SLC25A24: variants seen among roughly 807,000 people sequenced by gnomAD.
SLC25A24 encodes the protein mitochondrial adenyl nucleotide antiporter SLC25A24.
A neutral mutation model predicts 60.7 loss-of-function variants in SLC25A24; 49 were observed. That is an observed-to-expected ratio of 0.81 (90% CI 0.64 to 1.02). SLC25A24 has a LOEUF of 1.02. Among genes scored for constraint, SLC25A24 ranks in the 50% least tolerant of loss-of-function variants. The pLI is 0.00. For synonymous variants in SLC25A24, 202 were observed against 200.6 expected (o/e 1.01, Z -0.06); for missense variants, 564 against 586.3 (o/e 0.96, Z 0.39).
In SLC25A24 at chr1:108,134,764, T is replaced by C. The variant is rs1679234482; in HGVS notation, c.*1889A>G. The C allele has an allele frequency of 6.6e-6, 1 of 151,734 alleles. No individual in the cohort carries two copies. Among genetic ancestry groups the C allele is most frequent in the African/African-American group, 2.4e-5 (1 of 41,306 alleles). The allele number at this position is 151,734 out of a possible 1,614,324, so 9.4% of individuals were successfully genotyped here. On this transcript the variant is annotated 3_prime_UTR_variant, in exon 10 of 10. Transcript: ENST00000565488. ...TTTATTTATAATTTTTTTTTTTCAA[T>C]TAGGAAACTGAGACTTAAGAATTTT...
At chr1:108,168,143 A>G (rs964521324) in intron 3 of SLC25A24, among the ~76,000 whole-genome samples, 3 of 152,192 alleles carry the variant, frequency 2.0e-5, no homozygotes, top group Non-Finnish European at 2.9e-5. Flanking sequence ...AGTCAAATAA[A>G]ATGCAATTTT....
At chr1:108,176,054 G>A (rs780607762) in intron 3 of SLC25A24, among the ~76,000 whole-genome samples, 5 of 152,004 alleles carry the variant, frequency 3.3e-5, no homozygotes, top group Non-Finnish European at 7.4e-5. Flanking sequence ...AAGAAACAGA[G>A]ATGTATGAAC....
chr1:108,159,825 C>T (rs1680008165), intron 4 of SLC25A24, among the ~76,000 whole-genome samples: 1 of 151,540 alleles, frequency 6.6e-6, no homozygotes, highest in Non-Finnish European at 1.5e-5. Flanking sequence ...AAGAATTTTT[C>T]TTAGTACAGA....
At chr1:108,138,544 G>GAT (rs1161437540) in intron 9 of SLC25A24, among the ~76,000 whole-genome samples, 1 of 4,514 alleles carries the variant, frequency 2.2e-4, no homozygotes, top group Non-Finnish European at 6.3e-3. Context: ...CAACAATGGA[G>GAT]ACTGTCACAG....
chr1:108,182,282 C>T (rs1273323681), intron 2 of SLC25A24, among the ~76,000 whole-genome samples: 4 of 152,036 alleles, frequency 2.6e-5, no homozygotes, highest in Non-Finnish European at 1.5e-5. Context: ...AATAATATTC[C>T]TCCAAAGAGA....
chr1:108,167,694 C>T (rs1647250927), intron 3 of SLC25A24, among the ~76,000 whole-genome samples: 1 of 152,216 alleles, frequency 6.6e-6, no homozygotes, highest in Non-Finnish European at 1.5e-5. Flanking sequence ...CACTGTCTGG[C>T]ACTCCCTAGT....
intron 6 of SLC25A24, among the ~76,000 whole-genome samples, chr1:108,152,941 G>T (rs562427133): frequency 6.6e-6 from 1 of 152,324 alleles, no homozygotes; most frequent in South Asian, 2.1e-4. Context: ...CATATAGAAA[G>T]AGGAAGGGTG....
Position 108,157,895 on chromosome 1 carries a change from G to A in SLC25A24, c.511-275C>T, listed in dbSNP as rs554815090. ...TTCATTCATCATAGATTCACAGTAT[G>A]TTTTCTCTTGGTCTAGGTTAAAATG... On this transcript the variant is annotated intron_variant, in intron 4 of 9. Transcript: ENST00000565488. Among the ~76,000 whole-genome samples the A allele has an allele frequency of 1.8e-3, 279 of 151,374 alleles. 1 individual carries two copies. The highest frequency in any genetic ancestry group is 3.4e-3 in the Middle Eastern group (1 of 294).
intron 3 of SLC25A24, among the ~76,000 whole-genome samples, chr1:108,178,554 C>T (rs1647786776): frequency 6.6e-6 from 1 of 152,150 alleles, no homozygotes; most frequent in African/African-American, 2.4e-5. Context: ...GTGGCTCACG[C>T]CTGTAATCCT....
At chr1:108,144,351 A>G (rs191805924) in intron 7 of SLC25A24, among the ~76,000 whole-genome samples, 31 of 152,272 alleles carry the variant, frequency 2.0e-4, no homozygotes, top group African/African-American at 7.5e-4. Flanking sequence ...TGTAAAGACT[A>G]AATAGTAAAA....
intron 8 of SLC25A24, among the ~76,000 whole-genome samples, chr1:108,142,888 A>T (rs1020855627): frequency 7.2e-5 from 11 of 152,174 alleles, no homozygotes; most frequent in Admixed American, 5.9e-4. Context: ...TTAAAAAAAA[A>T]ATTCGACTCT....
At chr1:108,179,482 A>G (rs1307707458) in intron 3 of SLC25A24, among the ~76,000 whole-genome samples, 1 of 152,230 alleles carries the variant, frequency 6.6e-6, no homozygotes. Flanking sequence ...TTATAGCACT[A>G]TTCACGATAG....
At chr1:108,162,531 T>G (rs1680116802) in intron 3 of SLC25A24, among the ~76,000 whole-genome samples, 1 of 150,748 alleles carries the variant, frequency 6.6e-6, no homozygotes, top group African/African-American at 2.4e-5. Context: ...GATTTGCATT[T>G]CTCTGATGGC....
chr1:108,137,071 T>A (rs1228142852), intron 9 of SLC25A24, among the ~76,000 whole-genome samples: 1 of 152,180 alleles, frequency 6.6e-6, no homozygotes, highest in Non-Finnish European at 1.5e-5. Flanking sequence ...ATGTTCTAAA[T>A]ACTGGGTTAA....
intron 4 of SLC25A24, among the ~76,000 whole-genome samples, chr1:108,158,585 A>C (rs908248504): frequency 6.6e-6 from 1 of 152,036 alleles, no homozygotes; most frequent in Admixed American, 6.5e-5. Flanking sequence ...ATCACCAACA[A>C]TTTTATAATG....
At chr1:108,149,376 C>T (rs1193912177) in intron 6 of SLC25A24, among the ~76,000 whole-genome samples, 4 of 152,066 alleles carry the variant, frequency 2.6e-5, no homozygotes, top group Non-Finnish European at 5.9e-5. Flanking sequence ...AGCTGGAACT[C>T]CAGAGCCACG....
At chr1:108,180,492 G>A (rs1647875438) in intron 3 of SLC25A24, among the ~76,000 whole-genome samples, 1 of 152,062 alleles carries the variant, frequency 6.6e-6, no homozygotes, top group Non-Finnish European at 1.5e-5. Context: ...AAATGTTGAG[G>A]CCCTAACCCA....
At chr1:108,182,154 G>A (rs1187451977) in intron 2 of SLC25A24, 126 bp from the exon 3 acceptor site, 3 of 617,206 alleles carry the variant, frequency 4.9e-6, no homozygotes, top group Non-Finnish European at 8.7e-6. Context: ...GTGCATGTAG[G>A]TGAGTTATAG....
At chr1:108,191,272 C>A (rs1034584655) in intron 1 of SLC25A24, among the ~76,000 whole-genome samples, 4 of 138,056 alleles carry the variant, frequency 2.9e-5, no homozygotes, top group African/African-American at 1.0e-4. Context: ...TGGGACTACA[C>A]ACACCCACCA....
Sources: allele counts gnomAD v4.1 joint callset (sites outside exome capture counted in the v4.1 genomes callset), GRCh38; gene constraint gnomAD v4.1.1; transcripts MANE v1.5; gene names NCBI Gene and HGNC (gene_info 2026-07-23, HGNC 2026-07-21).